The following CTTNBP2 variants were observed in gnomAD, a reference collection of about 807,000 sequenced individuals.
CTTNBP2 encodes the protein cortactin-binding protein 2.
CTTNBP2 carries 108 observed loss-of-function variants against 156.9 expected under a neutral mutation model. That is an observed-to-expected ratio of 0.69 (90% confidence interval 0.59 to 0.81). CTTNBP2 has a LOEUF of 0.81. Among genes scored for constraint, CTTNBP2 ranks in the 30% least tolerant of loss-of-function variants. CTTNBP2 has a pLI of 0.00. For synonymous variants in CTTNBP2, 767 were observed against 751.8 expected (o/e 1.02, Z -0.33); for missense variants, 1,924 against 2,035.4 (o/e 0.95, Z 1.05).
At chr7:117,827,854 A>G (rs989764217) in intron 2 of CTTNBP2, among the ~76,000 whole-genome samples, 14 of 152,206 alleles carry the variant, frequency 9.2e-5, no homozygotes, top group African/African-American at 3.4e-4. Context: ...TCCCTTTTAT[A>G]GCTCCAAGAA....
rs774356430 is a variant in CTTNBP2, at chr7:117,725,035, T to G, written c.4261+17A>C. The G allele has an allele frequency of 8.7e-6, 14 of 1,609,434 alleles. No individual in the cohort carries two copies. The highest frequency in any genetic ancestry group is 2.7e-5 in the African/African-American group (2 of 74,836). On this transcript the variant is annotated intron_variant, in intron 18 of 22. Coordinates refer to ENST00000160373, the MANE Select transcript of CTTNBP2 (RefSeq NM_033427.3). ...AAGGGTGTGAATTTCCTCTCCTCTC[T>G]GCAGAAACCCACATACCTGCTCTGG...
intron 2 of CTTNBP2, among the ~76,000 whole-genome samples, chr7:117,848,223 A>G (rs540894539): frequency 1.2e-4 from 18 of 152,282 alleles, no homozygotes; most frequent in African/African-American, 4.1e-4. Flanking sequence ...AAATGGTTTG[A>G]AGGTCACACA....
chr7:117,871,155 T>C (rs1051370885), intron 1 of CTTNBP2, among the ~76,000 whole-genome samples: 2 of 152,048 alleles, frequency 1.3e-5, no homozygotes, highest in Non-Finnish European at 2.9e-5. Flanking sequence ...AAAATATCAG[T>C]CAACAAGAAC....
rs1204706056 is a variant in CTTNBP2, at chr7:117,711,488, T to C, written c.*49A>G. On this transcript the variant is annotated 3_prime_UTR_variant, in exon 23 of 23. Coordinates refer to ENST00000160373, the MANE Select transcript of CTTNBP2 (RefSeq NM_033427.3). ...GGTATTTGTATCTTGTTGTCCTTGGTTTCTGTGTGAAATAGAGGAAGTTAA... is the reference window on the plus strand; with the variant it reads ...GGTATTTGTATCTTGTTGTCCTTGGCTTCTGTGTGAAATAGAGGAAGTTAA... 1 of 1,556,496 alleles carries C rather than the reference T, an allele frequency of 6.4e-7. No individual in the cohort carries two copies. Among genetic ancestry groups the C allele is most frequent in the African/African-American group, 1.4e-5 (1 of 71,434 alleles).
At chr7:117,849,242 G>A (rs1365249173) in intron 2 of CTTNBP2, among the ~76,000 whole-genome samples, 2 of 152,172 alleles carry the variant, frequency 1.3e-5, no homozygotes, top group Non-Finnish European at 2.9e-5. Flanking sequence ...AAATACACCA[G>A]CTTTATGAGT....
intron 8 of CTTNBP2, among the ~76,000 whole-genome samples, chr7:117,774,298 T>A (rs958099551): frequency 6.6e-6 from 1 of 152,178 alleles, no homozygotes; most frequent in African/African-American, 2.4e-5. Flanking sequence ...TAGTTACCCA[T>A]TTCCCATTTC....
At chr7:117,767,898 T>G (rs1797579656) in intron 8 of CTTNBP2, among the ~76,000 whole-genome samples, 2 of 152,188 alleles carry the variant, frequency 1.3e-5, no homozygotes, top group South Asian at 4.1e-4. Context: ...ACATAAATTT[T>G]CTAATAAATA....
chr7:117,811,784 A>G (rs1039191143), intron 2 of CTTNBP2, among the ~76,000 whole-genome samples: 4 of 151,606 alleles, frequency 2.6e-5, no homozygotes, highest in Non-Finnish European at 5.9e-5. Context: ...TCTGGTAAGA[A>G]GAAAATTCTT....
intron 2 of CTTNBP2, among the ~76,000 whole-genome samples, chr7:117,815,463 T>C (rs1380221328): frequency 6.6e-6 from 1 of 152,228 alleles, no homozygotes; most frequent in African/African-American, 2.4e-5. Context: ...GTTACTTTTC[T>C]ATATAAATAT....
In CTTNBP2 at chr7:117,780,543, A is replaced by G. The variant is rs1416745271; in HGVS notation, c.2421T>C (p.Ala807=). The part of the protein sequence containing the change: ...ISYDANINHA[A]DGGQTPLYLA... Reference sequence around the variant, plus strand: ...GGTATAGAGGTGTCTGTCCTCCATCAGCAGCATGATTAATGTTAGCATCAT... The same window carrying G: ...GGTATAGAGGTGTCTGTCCTCCATCGGCAGCATGATTAATGTTAGCATCAT... Residue 807 remains alanine, a synonymous_variant, in exon 7 of 23, where the codon GCT becomes GCC. Coordinates refer to ENST00000160373, the MANE Select transcript of CTTNBP2 (RefSeq NM_033427.3). 6.3e-7 allele frequency: 1 copy of G among 1,595,372 alleles called. No individual in the cohort carries two copies. Among genetic ancestry groups the G allele is most frequent in the Non-Finnish European group, 8.6e-7 (1 of 1,168,970 alleles).
In CTTNBP2 at chr7:117,800,619, T is replaced by G. The variant is rs1279305966; in HGVS notation, c.415-7838A>C. Among the ~76,000 whole-genome samples, 8 of 152,152 alleles carry G rather than the reference T, an allele frequency of 5.3e-5. No homozygotes were observed. The East Asian group carries it at 1.5e-3, about 29-fold the overall frequency. On this transcript the variant is annotated intron_variant, in intron 3 of 22. Coordinates refer to ENST00000160373, the MANE Select transcript of CTTNBP2 (RefSeq NM_033427.3). The stretch of plus-strand genomic sequence containing the variant: ...CTACTCTGTGTGTTCCACGCTTCAG[T>G]AAATGAGTAAATATACTGAAGTACA...
In CTTNBP2 at chr7:117,791,933, T is replaced by C. The variant is rs759542212; in HGVS notation, c.1263A>G (p.Gln421=). Residue 421 remains glutamine (Q), a synonymous_variant, in exon 4 of 23, where the codon CAA becomes CAG. Coordinates refer to ENST00000160373, the MANE Select transcript of CTTNBP2 (RefSeq NM_033427.3). ...AATGTAAACTGTGCATAGGTGGAGC[T>C]TGCGAGTTCTGAGGAGCTATGCCTG... ...QTPGIAPQNS[Q]APPMHSLHSP... is the part of the protein sequence containing the mutation. 170 of 1,613,986 alleles carry C rather than the reference T, an allele frequency of 1.1e-4. No individual in the cohort carries two copies. The highest frequency in any genetic ancestry group is 1.4e-4 in the Non-Finnish European group (164 of 1,180,014).
chr7:117,857,616 A>C (rs1216393739), intron 2 of CTTNBP2, among the ~76,000 whole-genome samples: 1 of 152,204 alleles, frequency 6.6e-6, no homozygotes, highest in Non-Finnish European at 1.5e-5. Context: ...TTCAGTGTAC[A>C]AATTAGGTAA....
At chr7:117,774,841 T>C (rs953980715) in intron 8 of CTTNBP2, among the ~76,000 whole-genome samples, 3 of 151,976 alleles carry the variant, frequency 2.0e-5, no homozygotes, top group Non-Finnish European at 4.4e-5. Context: ...GAAAAAAAAA[T>C]ATTTTTAAGC....
At chr7:117,767,439 A>C (rs1797544949) in intron 8 of CTTNBP2, among the ~76,000 whole-genome samples, 1 of 152,246 alleles carries the variant, frequency 6.6e-6, no homozygotes, top group Non-Finnish European at 1.5e-5. Flanking sequence ...GCAAGAAAAA[A>C]AAATAGCTTG....
chr7:117,804,205 C>T (rs752178717), intron 3 of CTTNBP2, among the ~76,000 whole-genome samples: 6 of 152,086 alleles, frequency 3.9e-5, no homozygotes, highest in Admixed American at 1.3e-4. Flanking sequence ...TCAAGTGATC[C>T]GCCTGTCTCA....
At position 117,869,677 on chromosome 7, in the gene CTTNBP2, C is replaced by A. The variant is rs1348286924; in HGVS notation, c.81+3658G>T. Among the ~76,000 whole-genome samples the A allele has an allele frequency of 2.0e-5, 3 of 152,060 alleles. No individual in the cohort carries two copies. In the South Asian group the frequency reaches 6.2e-4, roughly 32 times the overall value. On this transcript the variant is annotated intron_variant, in intron 1 of 22. Transcript: ENST00000160373. ...GGCATGGATTCAATCACTGAGAGGA[C>A]AAATGTTCTCTAAACAAAATTGCTG...
chr7:117,863,708 A>G (rs977320892), intron 1 of CTTNBP2, among the ~76,000 whole-genome samples: 2 of 152,240 alleles, frequency 1.3e-5, no homozygotes, highest in African/African-American at 4.8e-5. Context: ...AGGATTAAAC[A>G]AGAACATATC....
intron 2 of CTTNBP2, among the ~76,000 whole-genome samples, chr7:117,828,737 C>T (rs919021242): frequency 6.6e-6 from 1 of 152,176 alleles, no homozygotes; most frequent in African/African-American, 2.4e-5. Flanking sequence ...AATGAAAATT[C>T]ATCAAGAACT....
Sources: gnomAD v4.1 joint callset for allele counts (sites outside exome capture counted in the v4.1 genomes callset) on GRCh38, gnomAD v4.1.1 for gene constraint, MANE v1.5 for transcripts, NCBI Gene and HGNC (gene_info 2026-07-23, HGNC 2026-07-21) for gene names.